The following EPHA4 variants were observed in gnomAD, a reference collection of about 807,000 sequenced individuals.
The protein encoded by EPHA4 is ephrin type-A receptor 4.
EPHA4 carries 19 observed loss-of-function variants against 108.3 expected under a neutral mutation model. The observed-to-expected ratio is 0.18, with a 90% CI of 0.12 to 0.26. The LOEUF is 0.26. Among genes scored for constraint, EPHA4 ranks in the 10% least tolerant of loss-of-function variants. EPHA4 has a pLI of 1.00. For missense variants in EPHA4, 917 were observed against 1,254.0 expected (o/e 0.73, Z 4.06); for synonymous variants, 449 against 455.5 (o/e 0.99, Z 0.18).
chr2:221,491,322 A>T (rs1312823831), intron 4 of EPHA4, among the ~76,000 whole-genome samples: 1 of 152,218 alleles, frequency 6.6e-6, no homozygotes, highest in Non-Finnish European at 1.5e-5. Flanking sequence ...TTCCTTGCAA[A>T]GCACTTTTTT....
chr2:221,452,819 T>C (rs1690829361), intron 8 of EPHA4, among the ~76,000 whole-genome samples: 1 of 152,120 alleles, frequency 6.6e-6, no homozygotes, highest in South Asian at 2.1e-4. Flanking sequence ...CATCCTGCTA[T>C]CAATCCTGCC....
chr2:221,463,530 G>A (rs920642377), intron 5 of EPHA4, among the ~76,000 whole-genome samples: 1 of 152,156 alleles, frequency 6.6e-6, no homozygotes, highest in African/African-American at 2.4e-5. Context: ...AGATTAGGGG[G>A]CTCTATCATG....
intron 3 of EPHA4, among the ~76,000 whole-genome samples, chr2:221,539,917 TTTTC>T (rs1044770942): frequency 2.9e-4 from 44 of 152,104 alleles, no homozygotes; most frequent in African/African-American, 8.0e-4. Context: ...CAGTTTTCTT[TTTTC>T]TTTTTGTTTT....
In EPHA4 at chr2:221,433,545, C is replaced by T. The variant is rs545444993; in HGVS notation, c.2496+597G>A. On this transcript the variant is annotated intron_variant, in intron 14 of 17. Coordinates refer to ENST00000281821, the MANE Select transcript of EPHA4 (RefSeq NM_004438.5). ...CACTGGAGATGTTTGTAATTAAATT[C>T]TATTACTCTGGAATCTTATTAGTGT... is the stretch of plus-strand genomic sequence containing the variant. Among the ~76,000 whole-genome samples, 161 of 151,750 alleles carry T rather than the reference C, an allele frequency of 1.1e-3. 1 individual carries two copies. Among genetic ancestry groups the T allele is most frequent in the African/African-American group, 3.8e-3 (158 of 41,358 alleles).
intron 3 of EPHA4, among the ~76,000 whole-genome samples, chr2:221,516,398 A>G (rs555112487): frequency 2.1e-4 from 27 of 130,912 alleles, no homozygotes; most frequent in Admixed American, 1.5e-3. Flanking sequence ...TCTGTCCTGT[A>G]GGCTGGAGTG....
chr2:221,446,189 A>C lies in EPHA4; in HGVS notation c.1716-8T>G. 2 of 1,489,620 alleles carry C rather than the reference A, an allele frequency of 1.3e-6. No homozygotes were observed. Among genetic ancestry groups the C allele is most frequent in the Non-Finnish European group, 1.8e-6 (2 of 1,118,264 alleles). 92.3% of individuals were successfully genotyped at this position (1,489,620 alleles called of 1,614,324 possible). A position where few individuals can be genotyped will look rare whatever the true frequency, so the allele number is the denominator to read the frequency against. Reference sequence around the variant, plus strand: ...TTACTGTATTTACTCCGTCTATTAAAATTTTTTTAAAAAAGAGAATTATTT... The same window carrying C: ...TTACTGTATTTACTCCGTCTATTAACATTTTTTTAAAAAAGAGAATTATTT... On this transcript the variant is annotated splice_region_variant and splice_polypyrimidine_tract_variant and intron_variant, in intron 8 of 17. Transcript: ENST00000281821.
At chr2:221,445,465 C>T (rs186682720) in intron 9 of EPHA4, among the ~76,000 whole-genome samples, 1,520 of 151,756 alleles carry the variant, frequency 0.01, 22 homozygotes, top group Admixed American at 0.037. Context: ...TGGCGGGTGC[C>T]TGTAATCCCA....
At chr2:221,480,353 G>A (rs1226061369) in intron 5 of EPHA4, among the ~76,000 whole-genome samples, 1 of 152,096 alleles carries the variant, frequency 6.6e-6, no homozygotes, top group African/African-American at 2.4e-5. Context: ...TAGTGCTTGC[G>A]AATGAATAGC....
At chr2:221,464,589 T>C (rs1354034875) in intron 5 of EPHA4, among the ~76,000 whole-genome samples, 1 of 152,242 alleles carries the variant, frequency 6.6e-6, no homozygotes, top group African/African-American at 2.4e-5. Context: ...TTTTTCTTAC[T>C]ATCATCATTA....
At chr2:221,556,294 T>A (rs1048654641) in intron 3 of EPHA4, among the ~76,000 whole-genome samples, 1 of 152,154 alleles carries the variant, frequency 6.6e-6, no homozygotes, top group Non-Finnish European at 1.5e-5. Flanking sequence ...ATTGTTTTAC[T>A]ACTTTCTTTC....
At chr2:221,562,278 A>C (rs1012938137) in intron 3 of EPHA4, among the ~76,000 whole-genome samples, 43 of 152,128 alleles carry the variant, frequency 2.8e-4, no homozygotes, top group Non-Finnish European at 1.6e-4. Flanking sequence ...ATTTACCACA[A>C]AATGAAAGAA....
chr2:221,566,394 T>A (rs1393507907), intron 2 of EPHA4, among the ~76,000 whole-genome samples: 1 of 152,152 alleles, frequency 6.6e-6, no homozygotes, highest in Admixed American at 6.5e-5. Context: ...AGAAAGAACT[T>A]TTTAAAGACA....
At chr2:221,470,575 A>C (rs564833162) in intron 5 of EPHA4, among the ~76,000 whole-genome samples, 10 of 146,756 alleles carry the variant, frequency 6.8e-5, no homozygotes, top group East Asian at 2.1e-4. Context: ...ACTTTAGGGA[A>C]CCTCTGCTTT....
In EPHA4 at chr2:221,548,226, G is replaced by A. The variant is rs1035632869; in HGVS notation, c.823+15505C>T. 5.9e-5 allele frequency among the ~76,000 whole-genome samples: 9 copies of A among 152,244 alleles called. No homozygotes were observed. The East Asian group carries it at 7.7e-4, about 13-fold the overall frequency. On this transcript the variant is annotated intron_variant, in intron 3 of 17. Coordinates refer to ENST00000281821, the MANE Select transcript of EPHA4 (RefSeq NM_004438.5). ...GGACAAATTAGCCAGGCGTGGCGCC[G>A]CATGCCTGTAGTCCCAGCTACTTGG...
At chr2:221,507,700 TG>T (rs2106162742) in intron 3 of EPHA4, among the ~76,000 whole-genome samples, 1 of 152,082 alleles carries the variant, frequency 6.6e-6, no homozygotes, top group East Asian at 1.9e-4. Context: ...ATCCCAAGAC[TG>T]AGATAAAGAC....
rs1279253320 is a variant in EPHA4, at chr2:221,499,739, TATATATATATATATA to T, written c.979+1263_979+1277del. On this transcript the variant is annotated intron_variant, in intron 4 of 17. Transcript: ENST00000281821. ...TAATATATATATATATATATATATA[TATATATATATATATA>T]TATTTTTTTTTTTTTTTTTTGAGAC... Among the ~76,000 whole-genome samples, 5 of 54,860 alleles carry T rather than the reference TATATATATATATATA, an allele frequency of 9.1e-5. No homozygotes were observed. In the East Asian group the frequency reaches 2.1e-3, roughly 23 times the overall value. 36.0% of individuals were successfully genotyped at this position (54,860 alleles called of 152,430 possible). A position where few individuals can be genotyped will look rare whatever the true frequency, so the allele number is the denominator to read the frequency against.
chr2:221,433,749 A>T (rs1690148934), intron 14 of EPHA4, among the ~76,000 whole-genome samples: 2 of 152,144 alleles, frequency 1.3e-5, no homozygotes, highest in African/African-American at 4.8e-5. Flanking sequence ...AATATTCACT[A>T]GTTTTCTTTC....
chr2:221,441,291 C>A (rs768957971), intron 11 of EPHA4, among the ~76,000 whole-genome samples: 5 of 149,574 alleles, frequency 3.3e-5, no homozygotes, highest in Non-Finnish European at 5.9e-5. Flanking sequence ...GTGGTACTAT[C>A]GTAGCTCACT....
intron 3 of EPHA4, among the ~76,000 whole-genome samples, chr2:221,547,461 G>T (rs1694030329): frequency 6.6e-6 from 1 of 152,070 alleles, no homozygotes; most frequent in Non-Finnish European, 1.5e-5. Flanking sequence ...AAAAGAAAAG[G>T]GATCATCTGT....
Sources: gnomAD v4.1 joint callset for allele counts (sites outside exome capture counted in the v4.1 genomes callset) on GRCh38, gnomAD v4.1.1 for gene constraint, MANE v1.5 for transcripts, NCBI Gene and HGNC (gene_info 2026-07-23, HGNC 2026-07-21) for gene names.